The following DLG5 variants were observed in gnomAD, a reference collection of about 807,000 sequenced individuals.
DLG5 encodes the protein discs large MAGUK scaffold protein 5.
A neutral mutation model predicts 189.8 loss-of-function variants in DLG5; 48 were observed. The observed-to-expected ratio is 0.25, with a 90% CI of 0.20 to 0.32. The LOEUF (loss-of-function observed/expected upper bound fraction) is 0.32. Ranked by LOEUF, DLG5 falls within the 10% of genes least tolerant of loss-of-function variation. DLG5 has a pLI of 1.00. For synonymous variants in DLG5, 1,016 were observed against 1,054.1 expected (o/e 0.96, Z 0.70); for missense variants, 2,160 against 2,544.7 (o/e 0.85, Z 3.25).
At chr10:77,862,574 T>C (rs757855076) in intron 2 of DLG5, among the ~76,000 whole-genome samples, 1 of 152,194 alleles carries the variant, frequency 6.6e-6, no homozygotes, top group Non-Finnish European at 1.5e-5. Flanking sequence ...AAACATGCAA[T>C]TGCCATACCA....
intron 2 of DLG5, chr10:77,868,156 T>C: frequency 2.2e-6 from 1 of 451,310 alleles, no homozygotes; most frequent in South Asian, 1.6e-5. Flanking sequence ...ATTTCTGCTG[T>C]GTAAGCCACC....
intron 1 of DLG5, among the ~76,000 whole-genome samples, chr10:77,896,444 C>T (rs1443935789): frequency 6.6e-6 from 1 of 152,182 alleles, no homozygotes; most frequent in East Asian, 1.9e-4. Context: ...TTTGTGCATA[C>T]TTCAAGGTTT....
chr10:77,892,504 A>G (rs529364670), intron 1 of DLG5, among the ~76,000 whole-genome samples: 1 of 152,340 alleles, frequency 6.6e-6, no homozygotes, highest in African/African-American at 2.4e-5. Flanking sequence ...TCAACAACAG[A>G]AGGGACCCCA....
At chr10:77,857,991 T>C (rs1327270840) in intron 2 of DLG5, among the ~76,000 whole-genome samples, 1 of 152,202 alleles carries the variant, frequency 6.6e-6, no homozygotes, top group Non-Finnish European at 1.5e-5. Context: ...GTTGGTCAAA[T>C]GTTCATGCAA....
In DLG5 at chr10:77,869,483, C is replaced by T. The variant is rs896110600; in HGVS notation, c.305-286G>A. On this transcript the variant is annotated intron_variant, in intron 1 of 31. Coordinates refer to ENST00000372391, the MANE Select transcript of DLG5 (RefSeq NM_004747.4). ...TCTTGTTGGGACATCTGGGGAAAGG[C>T]TTAGCAAGGGAGTGACATGCCCCAG... The T allele has an allele frequency of 7.3e-5, 32 of 436,396 alleles. No individual in the cohort carries two copies. The East Asian group carries it at 1.7e-3, about 23-fold the overall frequency. The allele number at this position is 436,396 out of a possible 1,614,324, so 27.0% of individuals were successfully genotyped here.
intron 1 of DLG5, among the ~76,000 whole-genome samples, chr10:77,906,457 C>T (rs1846071723): frequency 6.6e-6 from 1 of 152,140 alleles, no homozygotes; most frequent in Non-Finnish European, 1.5e-5. Flanking sequence ...GATAAGTCTC[C>T]ACTGTGAGGC....
intron 22 of DLG5, 95 bp downstream of exon 22, chr10:77,811,829 C>T (rs1352399533): frequency 4.3e-5 from 63 of 1,454,528 alleles, no homozygotes; most frequent in South Asian, 2.5e-4. Flanking sequence ...CCAGAACTTA[C>T]GGCTGGCACC....
intron 2 of DLG5, among the ~76,000 whole-genome samples, chr10:77,859,826 G>A (rs949655945): frequency 1.3e-5 from 2 of 152,198 alleles, no homozygotes; most frequent in Non-Finnish European, 2.9e-5. Flanking sequence ...ATTCTTTGGC[G>A]GTGAGGCCAG....
intron 1 of DLG5, among the ~76,000 whole-genome samples, chr10:77,909,793 T>C (rs1846166787): frequency 6.6e-6 from 1 of 151,996 alleles, no homozygotes; most frequent in Non-Finnish European, 1.5e-5. Context: ...CACATTTTGG[T>C]TTTGTTTACT....
At chr10:77,855,593 TAAAACAGGCAG>T (rs1844190518) in intron 3 of DLG5, among the ~76,000 whole-genome samples, 1 of 152,226 alleles carries the variant, frequency 6.6e-6, no homozygotes, top group African/African-American at 2.4e-5. Context: ...ACTTCATTTA[TAAAACAGGCAG>T]TGGGCCCGTG....
At chr10:77,810,259 T>C (rs1841693259) in intron 23 of DLG5, among the ~76,000 whole-genome samples, 1 of 152,138 alleles carries the variant, frequency 6.6e-6, no homozygotes, top group Admixed American at 6.5e-5. Context: ...GGGAGTGAGA[T>C]GGGACAGCGA....
At chr10:77,892,549 G>A (rs886641560) in intron 1 of DLG5, among the ~76,000 whole-genome samples, 1 of 152,162 alleles carries the variant, frequency 6.6e-6, no homozygotes, top group Non-Finnish European at 1.5e-5. Context: ...TTTGACAGAT[G>A]GGGAAACTGA....
At chr10:77,935,306 A>G in the DLG5 span, among the ~76,000 whole-genome samples, 115 of 152,196 alleles carry the variant, frequency 7.6e-4, no homozygotes, top group Non-Finnish European at 1.2e-3. Flanking sequence ...CTGCCTAGAT[A>G]TTGCCTAGGA....
the DLG5 span, among the ~76,000 whole-genome samples, chr10:77,939,425 T>C: frequency 6.6e-6 from 1 of 152,106 alleles, no homozygotes; most frequent in East Asian, 1.9e-4. Flanking sequence ...GGAATTCTGG[T>C]GTGGGTAAAA....
In DLG5 at chr10:77,794,947, G is replaced by A; in HGVS notation, c.5448C>T (p.Cys1816=). The A allele has an allele frequency of 1.2e-6, 2 of 1,613,792 alleles. No homozygotes were observed. Among genetic ancestry groups the A allele is most frequent in the Middle Eastern group, 1.7e-4 (1 of 6,050 alleles). The part of the protein sequence containing the change: ...IKEITEKNRH[C]LLDIAPHAIE... ...TAGCGTGCGGAGCAATGTCCAGGAG[G>A]CAGTGTCGGTTCTGGGGTGGGGGGT... The change falls in exon 30 of 32, where the codon TGC becomes TGT. Residue 1816 remains cysteine (C), a synonymous_variant. Transcript: ENST00000372391.
At chr10:77,847,373 TCTCA>T (rs1354016945) in intron 5 of DLG5, among the ~76,000 whole-genome samples, 1 of 151,974 alleles carries the variant, frequency 6.6e-6, no homozygotes, top group Non-Finnish European at 1.5e-5. Context: ...AACCTCTGGT[TCTCA>T]CTCTAGCCTT....
chr10:77,889,772 A>G (rs1845552817), intron 1 of DLG5, among the ~76,000 whole-genome samples: 1 of 152,210 alleles, frequency 6.6e-6, no homozygotes, highest in African/African-American at 2.4e-5. Context: ...AAGGTGTTAC[A>G]AGGAGGAGGC....
In DLG5 at chr10:77,821,620, G is replaced by A. The variant is rs1348279339; in HGVS notation, c.2864C>T (p.Thr955Met). ...AACAGAGAGCTTCTCAGGCACTGCC[G>A]TGGAGCTGAGCATGGCCTTGGGCCA... ...GTWPKAMLSS[T>M]AVPEKLSVYK... The change falls in exon 15 of 32, where the codon ACG becomes ATG. Residue 955 changes from threonine to methionine, a missense_variant. Transcript: ENST00000372391. The A allele has an allele frequency of 1.7e-5, 27 of 1,612,982 alleles. No homozygotes were observed. Among genetic ancestry groups the A allele is most frequent in the East Asian group, 1.1e-4 (5 of 44,880 alleles).
chr10:77,896,658 T>C (rs763350543), intron 1 of DLG5, among the ~76,000 whole-genome samples: 24 of 152,042 alleles, frequency 1.6e-4, no homozygotes, highest in Non-Finnish European at 2.8e-4. Context: ...CCAGCAAATA[T>C]GGTGAAACCC....
Sources: gnomAD v4.1 joint callset for allele counts (sites outside exome capture counted in the v4.1 genomes callset) on GRCh38, gnomAD v4.1.1 for gene constraint, MANE v1.5 for transcripts, NCBI Gene and HGNC (gene_info 2026-07-23, HGNC 2026-07-21) for gene names.